The following ANAPC1 variants were observed in gnomAD, a reference collection of about 807,000 sequenced individuals.
ANAPC1 encodes the protein anaphase promoting complex subunit 1.
ANAPC1 carries 36 observed loss-of-function variants against 208.0 expected under a neutral mutation model. The observed-to-expected ratio is 0.17, with a 90% confidence interval of 0.13 to 0.23. The LOEUF (loss-of-function observed/expected upper bound fraction) is 0.23, where lower values mean the gene tolerates loss of function less well. Among genes scored for constraint, ANAPC1 ranks in the 10% least tolerant of loss-of-function variants. ANAPC1 has a pLI of 1.00. For synonymous variants in ANAPC1, 378 were observed against 695.2 expected, an observed-to-expected ratio of 0.54 and a Z score of 7.18; for missense variants, 942 against 2,011.6, an observed-to-expected ratio of 0.47 and a Z score of 10.17.
At chr2:111,836,085 G>C (rs1459395877) in intron 18 of ANAPC1, among the ~76,000 whole-genome samples, 1 of 151,854 alleles carries the variant, frequency 6.6e-6, no homozygotes, top group South Asian at 2.1e-4. Context: ...ATGAAAGAGT[G>C]TTTAACATCC....
At chr2:111,809,301 C>CAAACA (rs1296506209) in intron 28 of ANAPC1, 120 bp from the exon 29 acceptor site, 1 of 723,078 alleles carries the variant, frequency 1.4e-6, no homozygotes, top group Non-Finnish European at 2.2e-6. Flanking sequence ...GTAAACTAAA[C>CAAACA]AAACATGGTC....
chr2:111,801,167 G>A (rs1678423436), intron 33 of ANAPC1, among the ~76,000 whole-genome samples: 1 of 151,908 alleles, frequency 6.6e-6, no homozygotes, highest in African/African-American at 2.4e-5. Flanking sequence ...GACCAGCCTG[G>A]CCAACATGGT....
rs751890333 is a variant in ANAPC1 at position 111,868,071 on chromosome 2, T to C, written c.637A>G (p.Met213Val). ...PREPLPTMFS[M>V]LHPLDEITPL... ...GTTATTTCATCTAGTGGGTGCAGCATGCTGAACATAGTAGGTAAAGGTTCT... is the reference window on the plus strand; with the variant it reads ...GTTATTTCATCTAGTGGGTGCAGCACGCTGAACATAGTAGGTAAAGGTTCT... The change falls in exon 7 of 48, where the codon ATG becomes GTG. Residue 213 changes from methionine (M) to valine (V), a missense_variant. By Grantham distance (21) the Met-to-Val change is conservative (BLOSUM62 1). Coordinates refer to ENST00000341068, the MANE Select transcript of ANAPC1 (RefSeq NM_022662.4). 3.1e-6 allele frequency: 5 copies of C among 1,599,056 alleles called. No homozygotes were observed. In the East Asian group the frequency reaches 6.7e-5, roughly 22 times the overall value.
At chr2:111,821,210 C>G in intron 26 of ANAPC1, 29 bp downstream of exon 26, 1 of 1,593,272 alleles carries the variant, frequency 6.3e-7, no homozygotes, top group Middle Eastern at 2.3e-4. Context: ...TGAAACATGA[C>G]AAGAGATAGT....
At chr2:111,797,410 T>C (rs1242002973) in intron 34 of ANAPC1, among the ~76,000 whole-genome samples, 3 of 151,770 alleles carry the variant, frequency 2.0e-5, no homozygotes, top group African/African-American at 4.8e-5. Context: ...TCCTACAATA[T>C]ACATTTCAAA....
At chr2:111,823,159 G>A (rs1158566818) in intron 24 of ANAPC1, among the ~76,000 whole-genome samples, 8 of 150,810 alleles carry the variant, frequency 5.3e-5, no homozygotes, top group African/African-American at 7.3e-5. Flanking sequence ...ACAGGCGCCC[G>A]CCACCATGCC....
intron 29 of ANAPC1, 115 bp downstream of exon 29, chr2:111,808,832 A>G (rs994675540): frequency 1.1e-5 from 16 of 1,498,706 alleles, no homozygotes; most frequent in Middle Eastern, 2.4e-4. Context: ...TTCTTTGCTC[A>G]TAAAAGCTAC....
chr2:111,826,222 C>A (rs1573403101), intron 21 of ANAPC1, among the ~76,000 whole-genome samples: 1 of 152,150 alleles, frequency 6.6e-6, no homozygotes, highest in Non-Finnish European at 1.5e-5. Context: ...ATAATTATAA[C>A]ATAGAATAAT....
chr2:111,843,005 C>T (rs907254467), intron 17 of ANAPC1, among the ~76,000 whole-genome samples: 3 of 152,184 alleles, frequency 2.0e-5, no homozygotes, highest in African/African-American at 7.2e-5. Flanking sequence ...AAAAGACAAT[C>T]TTGTCTTCAG....
At chr2:111,847,933 C>A in intron 14 of ANAPC1, 68 bp from the exon 15 acceptor site, 1 of 1,406,152 alleles carries the variant, frequency 7.1e-7, no homozygotes, top group Non-Finnish European at 9.5e-7. Context: ...GGAAATTTAA[C>A]TGTTTCTTTT....
intron 14 of ANAPC1, among the ~76,000 whole-genome samples, chr2:111,848,741 T>C (rs1681228750): frequency 6.7e-6 from 1 of 149,274 alleles, no homozygotes; most frequent in East Asian, 2.0e-4. Flanking sequence ...TGCCCCACTG[T>C]ACTCCAGCCT....
intron 21 of ANAPC1, among the ~76,000 whole-genome samples, chr2:111,826,580 A>C (rs1324116907): frequency 6.6e-6 from 1 of 152,158 alleles, no homozygotes; most frequent in Non-Finnish European, 1.5e-5. Flanking sequence ...AGACATACCA[A>C]ACTTTGTTTA....
chr2:111,767,070 T>C (rs1324265777), downstream of ANAPC1: 2 of 433,634 alleles, frequency 4.6e-6, no homozygotes, highest in African/African-American at 2.1e-5. Context: ...GTAAATTGTA[T>C]GGTTTCTTTA....
At position 111,843,317 on chromosome 2, in the gene ANAPC1, G is replaced by A. The variant is rs565596193; in HGVS notation, c.2040+95C>T. On this transcript the variant is annotated intron_variant, in intron 17 of 47. Transcript: ENST00000341068. The stretch of plus-strand genomic sequence containing the variant: ...ATATTATTCTATTATTTTGAATATG[G>A]TACGCCTATTATGTAGTCTCAATGT... 2.8e-4 allele frequency: 327 copies of A among 1,166,844 alleles called. 4 individuals are homozygous for A. The highest frequency in any genetic ancestry group is 2.3e-5 in the Non-Finnish European group (18 of 798,802). The allele number at this position is 1,166,844 out of a possible 1,614,324, so 72.3% of individuals were successfully genotyped here. A position where few individuals can be genotyped will look rare whatever the true frequency, so the allele number is the denominator to read the frequency against.
chr2:111,836,629 A>G (rs1486604122), intron 18 of ANAPC1, among the ~76,000 whole-genome samples: 1 of 151,624 alleles, frequency 6.6e-6, no homozygotes, highest in Non-Finnish European at 1.5e-5. Flanking sequence ...CGTAGGCAAC[A>G]GAGTGACACC....
intron 5 of ANAPC1, chr2:111,873,033 T>G (rs1682837418): frequency 2.2e-6 from 1 of 458,726 alleles, no homozygotes; most frequent in Non-Finnish European, 3.9e-6. Context: ...GTTATTCATA[T>G]GCCTTATTTA....
intron 24 of ANAPC1, 86 bp downstream of exon 24, chr2:111,824,880 C>T: frequency 6.8e-7 from 1 of 1,464,752 alleles, no homozygotes; most frequent in Non-Finnish European, 9.5e-7. Context: ...TTCACAAAGC[C>T]AGAGCCCCTC....
rs75401538 is a variant in ANAPC1, at chr2:111,863,352, CA to C, written c.1052+322del. Among the ~76,000 whole-genome samples, 966 of 127,710 alleles carry C rather than the reference CA, an allele frequency of 7.6e-3. 2 individuals carry two copies. The highest frequency in any genetic ancestry group is 0.011 in the Non-Finnish European group (669 of 59,036). 83.8% of individuals were successfully genotyped at this position (127,710 alleles called of 152,430 possible). On this transcript the variant is annotated intron_variant, in intron 9 of 47. Coordinates refer to ENST00000341068, the MANE Select transcript of ANAPC1 (RefSeq NM_022662.4). ...TGAAACCCCATCTCTACTAAAAATACAAAAAAAAAAAAAACTCAGCCAGGCA... is the reference window on the plus strand; with the variant it reads ...TGAAACCCCATCTCTACTAAAAATACAAAAAAAAAAAAACTCAGCCAGGCA...
chr2:111,791,130 T>A (rs1374980638), intron 38 of ANAPC1, among the ~76,000 whole-genome samples: 1 of 151,968 alleles, frequency 6.6e-6, no homozygotes, highest in African/African-American at 2.4e-5. Context: ...GATTTGGACA[T>A]CACAAAAGAG....
Sources: allele counts gnomAD v4.1 joint callset (sites outside exome capture counted in the v4.1 genomes callset), GRCh38; gene constraint gnomAD v4.1.1; transcripts MANE v1.5; gene names NCBI Gene and HGNC (gene_info 2026-07-23, HGNC 2026-07-21).